The following COG5 variants were observed in gnomAD, a reference collection of about 807,000 sequenced individuals.
COG5 encodes the protein component of oligomeric golgi complex 5.
Under a neutral mutation model 110.4 loss-of-function variants are expected in COG5, and 86 were observed. The observed-to-expected ratio is 0.78, with a 90% confidence interval of 0.65 to 0.93. The LOEUF (loss-of-function observed/expected upper bound fraction) is 0.93, where lower values mean the gene tolerates loss of function less well. Among genes scored for constraint, COG5 ranks in the 40% least tolerant of loss-of-function variants. The pLI, the probability that COG5 is intolerant of heterozygous loss-of-function variation, is 0.00. For missense variants in COG5, 1,077 were observed against 987.0 expected (o/e 1.09, Z -1.22); for synonymous variants, 360 against 334.6 (o/e 1.08, Z -0.83).
chr7:107,550,221 C>A (rs1441970007), intron 3 of COG5, among the ~76,000 whole-genome samples: 1 of 152,138 alleles, frequency 6.6e-6, no homozygotes, highest in East Asian at 1.9e-4. Flanking sequence ...ATCAACAAAC[C>A]CTATCAGCTT....
intron 6 of COG5, among the ~76,000 whole-genome samples, chr7:107,526,014 T>C (rs572513717): frequency 6.6e-6 from 1 of 152,364 alleles, no homozygotes; most frequent in African/African-American, 2.4e-5. Context: ...GAAGCATTAT[T>C]TGTGAAGGAT....
intron 10 of COG5, among the ~76,000 whole-genome samples, chr7:107,331,022 T>C (rs1271377060): frequency 6.6e-6 from 1 of 152,036 alleles, no homozygotes; most frequent in East Asian, 1.9e-4. Flanking sequence ...GTGTTTTCTA[T>C]CCTCTGAATA....
rs114658017 is a variant in COG5 at position 107,521,507 on chromosome 7, C to T, written c.538+5730G>A. On this transcript the variant is annotated intron_variant, in intron 6 of 21. Transcript: ENST00000297135. ...TTATGAATAGACTCTTCTCAAAAGACGACATTTATGCAGCCAACAAACATT... is the reference window on the plus strand; with the variant it reads ...TTATGAATAGACTCTTCTCAAAAGATGACATTTATGCAGCCAACAAACATT... Among the ~76,000 whole-genome samples, 188 of 152,224 alleles carry T rather than the reference C, an allele frequency of 1.2e-3. 1 individual carries two copies. The highest frequency in any genetic ancestry group is 4.4e-3 in the African/African-American group (181 of 41,544).
intron 6 of COG5, among the ~76,000 whole-genome samples, chr7:107,479,244 TG>T (rs981432257): frequency 6.6e-6 from 1 of 152,118 alleles, no homozygotes; most frequent in African/African-American, 2.4e-5. Flanking sequence ...AAGAGCAAAT[TG>T]TTCTTTGGAA....
chr7:107,429,401 C>T (rs60193047), intron 6 of COG5, among the ~76,000 whole-genome samples: 2,000 of 151,244 alleles, frequency 0.013, 50 homozygotes, highest in African/African-American at 0.045. Context: ...TTTTCATGTG[C>T]TCATTGGCCA....
intron 6 of COG5, among the ~76,000 whole-genome samples, chr7:107,429,653 C>G (rs150601264): frequency 6.6e-6 from 1 of 152,242 alleles, no homozygotes; most frequent in African/African-American, 2.4e-5. Context: ...TGAACTGTAG[C>G]TCCCAAAATT....
chr7:107,234,014 T>C (rs769397701), intron 18 of COG5, among the ~76,000 whole-genome samples: 1 of 152,206 alleles, frequency 6.6e-6, no homozygotes, highest in Non-Finnish European at 1.5e-5. Context: ...TTGCCAAAGA[T>C]AATGATCACA....
At chr7:107,494,376 A>G (rs991872260) in intron 6 of COG5, among the ~76,000 whole-genome samples, 9 of 152,168 alleles carry the variant, frequency 5.9e-5, no homozygotes, top group African/African-American at 2.2e-4. Context: ...TGTGCCACAT[A>G]ATGATGTTTT....
chr7:107,201,481 T>C lies in COG5; in HGVS notation c.*2035A>G. The C allele has an allele frequency of 1.6e-6, 2 of 1,212,384 alleles. No individual in the cohort carries two copies. The highest frequency in any genetic ancestry group is 1.9e-4 in the Middle Eastern group (1 of 5,262). The allele number at this position is 1,212,384 out of a possible 1,614,324, so 75.1% of individuals were successfully genotyped here. A position where few individuals can be genotyped will look rare whatever the true frequency, so the allele number is the denominator to read the frequency against. ...CTATATTTGCATATACATTGACTCT[T>C]GATGGAAAGACTTAAGAAGATCAAG... On this transcript the variant is annotated 3_prime_UTR_variant, in exon 22 of 22. Transcript: ENST00000297135.
chr7:107,473,459 C>T (rs1355261673), intron 6 of COG5, among the ~76,000 whole-genome samples: 2 of 151,860 alleles, frequency 1.3e-5, no homozygotes. Context: ...TGGGAAATAA[C>T]CCCAAATATC....
intron 6 of COG5, among the ~76,000 whole-genome samples, chr7:107,421,620 A>G (rs558195578): frequency 6.6e-6 from 1 of 152,166 alleles, no homozygotes; most frequent in Admixed American, 6.5e-5. Flanking sequence ...GTGAAACCCC[A>G]TCTCTATAAA....
chr7:107,221,563 G>A (rs1282469953), intron 19 of COG5, among the ~76,000 whole-genome samples: 1 of 152,058 alleles, frequency 6.6e-6, no homozygotes, highest in Non-Finnish European at 1.5e-5. Flanking sequence ...AGGAGATTGA[G>A]ACCATCCTGG....
intron 6 of COG5, among the ~76,000 whole-genome samples, chr7:107,523,383 T>G (rs1204510468): frequency 6.6e-6 from 1 of 151,890 alleles, no homozygotes; most frequent in Non-Finnish European, 1.5e-5. Flanking sequence ...ACTCAACTCT[T>G]TTATTAACTA....
intron 6 of COG5, among the ~76,000 whole-genome samples, chr7:107,420,555 G>A (rs954611435): frequency 1.3e-5 from 2 of 152,118 alleles, no homozygotes; most frequent in Admixed American, 6.5e-5. Context: ...CCGCCTTCCA[G>A]GTTCAAGTGA....
chr7:107,288,937 T>G lies in COG5; in HGVS notation c.1314-5205A>C, dbSNP rs868213176. Reference sequence around the variant, plus strand: ...ATATATATATATATATATATATATATATATATATATATATATATATATATA... The same window carrying G: ...ATATATATATATATATATATATATAGATATATATATATATATATATATATA... On this transcript the variant is annotated intron_variant, in intron 12 of 21. Transcript: ENST00000297135. Among the ~76,000 whole-genome samples the G allele has an allele frequency of 6.3e-3, 757 of 120,586 alleles. 18 individuals carry two copies. The highest frequency in any genetic ancestry group is 0.023 in the African/African-American group (636 of 27,420). 79.1% of individuals were successfully genotyped at this position (120,586 alleles called of 152,430 possible).
At chr7:107,481,675 A>G (rs896350176) in intron 6 of COG5, among the ~76,000 whole-genome samples, 1 of 152,124 alleles carries the variant, frequency 6.6e-6, no homozygotes, top group East Asian at 1.9e-4. Context: ...TCAAATTTAC[A>G]TACTCTGTAC....
intron 7 of COG5, among the ~76,000 whole-genome samples, chr7:107,386,097 G>A (rs1190670031): frequency 6.6e-6 from 1 of 151,668 alleles, no homozygotes; most frequent in Non-Finnish European, 1.5e-5. Context: ...AGTCCAGAAG[G>A]TTTTTACAAA....
At chr7:107,434,904 A>C (rs1482351054) in intron 6 of COG5, among the ~76,000 whole-genome samples, 6 of 151,876 alleles carry the variant, frequency 4.0e-5, no homozygotes, top group Non-Finnish European at 1.5e-5. Context: ...TGGGAGGCGG[A>C]GATTGCAGTG....
chr7:107,563,544 T>TGGC lies in COG5; in HGVS notation c.94+258_94+259insGCC, dbSNP rs1554466266. Reference sequence around the variant, plus strand: ...CGAAACTTCAGGGAAGCTGGAGGCATGGGGGGGGGGGGGGTCGAGTTGAAA... The same window carrying TGGC: ...CGAAACTTCAGGGAAGCTGGAGGCATGGCGGGGGGGGGGGGGGTCGAGTTGAAA... On this transcript the variant is annotated intron_variant, in intron 1 of 21. Coordinates refer to ENST00000297135, the MANE Select transcript of COG5 (RefSeq NM_006348.5). 4.5e-4 allele frequency: 115 copies of TGGC among 256,382 alleles called. 1 individual carries two copies. The highest frequency in any genetic ancestry group is 2.0e-3 in the Middle Eastern group (2 of 1,018). The allele number at this position is 256,382 out of a possible 1,614,324, so 15.9% of individuals were successfully genotyped here.
Sources: allele counts gnomAD v4.1 joint callset (sites outside exome capture counted in the v4.1 genomes callset), GRCh38; gene constraint gnomAD v4.1.1; transcripts MANE v1.5; gene names NCBI Gene and HGNC (gene_info 2026-07-23, HGNC 2026-07-21).